AIMP1: variants seen among roughly 807,000 people sequenced by gnomAD.
AIMP1 encodes aminoacyl tRNA synthetase complex interacting multifunctional protein 1.
In AIMP1, 24 loss-of-function variants were observed where a neutral mutation model predicts 33.1. The ratio of observed to expected loss-of-function variants is 0.73; its 90% CI spans 0.53 to 1.02. The LOEUF (loss-of-function observed/expected upper bound fraction) is 1.02. Among genes scored for constraint, AIMP1 ranks in the 50% least tolerant of loss-of-function variants. The pLI is 0.00. For synonymous variants in AIMP1, 120 were observed against 121.5 expected, an observed-to-expected ratio of 0.99 and a Z score of 0.08; for missense variants, 367 against 364.8, an observed-to-expected ratio of 1.01 and a Z score of -0.05.
At chr4:106,336,313 A>AT (rs985676609) in intron 5 of AIMP1, among the ~76,000 whole-genome samples, 9 of 151,062 alleles carry the variant, frequency 6.0e-5, no homozygotes, top group African/African-American at 2.2e-4. Context: ...AGGAGCTGGG[A>AT]TTATAGGTGT....
intron 1 of AIMP1, among the ~76,000 whole-genome samples, chr4:106,317,731 T>C (rs1032210860): frequency 2.4e-4 from 37 of 152,208 alleles, no homozygotes; most frequent in African/African-American, 8.9e-4. Flanking sequence ...GTTAAAATCA[T>C]GGCTTTGCTA....
Sources: gnomAD v4.1 joint callset for allele counts (sites outside exome capture counted in the v4.1 genomes callset) on GRCh38, gnomAD v4.1.1 for gene constraint, MANE v1.5 for transcripts, NCBI Gene and HGNC (gene_info 2026-07-23, HGNC 2026-07-21) for gene names.